FOCAD: variants seen among roughly 807,000 people sequenced by gnomAD.
FOCAD encodes the protein KIAA1797.
FOCAD carries 198 observed loss-of-function variants against 225.6 expected under a neutral mutation model. The ratio of observed to expected loss-of-function variants is 0.88; its 90% confidence interval spans 0.78 to 0.99. The LOEUF is 0.99. Ranked by LOEUF, FOCAD falls within the 50% of genes least tolerant of loss-of-function variation. FOCAD has a pLI of 0.00. For missense variants in FOCAD, 2,713 were observed against 2,123.6 expected, an observed-to-expected ratio of 1.28 and a Z score of -5.46; for synonymous variants, 897 against 755.0, an observed-to-expected ratio of 1.19 and a Z score of -3.08.
At chr9:20,820,679 A>G (rs1478885754) in intron 13 of FOCAD, among the ~76,000 whole-genome samples, 3 of 152,158 alleles carry the variant, frequency 2.0e-5, no homozygotes, top group Admixed American at 6.6e-5. Context: ...AGTAATGGAA[A>G]TATAGTTATA....
chr9:20,840,395 T>C (rs1287223367), intron 15 of FOCAD, among the ~76,000 whole-genome samples: 1 of 150,374 alleles, frequency 6.7e-6, no homozygotes, highest in Non-Finnish European at 1.5e-5. Context: ...TTGGTTAAGT[T>C]TATATTTAGG....
chr9:20,903,294 T>C (rs1374296879), intron 21 of FOCAD, among the ~76,000 whole-genome samples: 10 of 151,878 alleles, frequency 6.6e-5, no homozygotes, highest in Admixed American at 6.6e-4. Context: ...TGGGGTAGGG[T>C]AGAAAAATTA....
rs1824271816 is a variant in FOCAD, at chr9:20,821,061, T to A, written c.1783T>A (p.Cys595Ser). ...AAAAGCAGCATCAATCAGAGATATA[T>A]GTAAGCAGAGGTATGATGTCATTAA... ...IAKAASIRDI[C>S]KQRPYQHGAD... The change falls in exon 14 of 44, where the codon TGT becomes AGT. Residue 595 changes from cysteine (C) to serine (S), a missense_variant. By Grantham distance (112) the Cys-to-Ser change is moderately radical. Transcript: ENST00000338382. The A allele has an allele frequency of 3.7e-6, 6 of 1,612,258 alleles. No individual in the cohort carries two copies. Among genetic ancestry groups the A allele is most frequent in the Non-Finnish European group, 5.1e-6 (6 of 1,178,922 alleles).
intron 21 of FOCAD, among the ~76,000 whole-genome samples, chr9:20,893,547 T>C (rs981442396): frequency 2.0e-4 from 31 of 152,142 alleles, no homozygotes; most frequent in African/African-American, 7.2e-4. Context: ...TTCATTTCTA[T>C]TAATAACAGC....
At chr9:20,935,405 T>C (rs1341585554) in intron 28 of FOCAD, among the ~76,000 whole-genome samples, 1 of 152,160 alleles carries the variant, frequency 6.6e-6, no homozygotes, top group Non-Finnish European at 1.5e-5. Flanking sequence ...TTATTTTTAT[T>C]TATGTATTTA....
chr9:20,796,358 T>A (rs1821105497), intron 11 of FOCAD, among the ~76,000 whole-genome samples: 1 of 152,204 alleles, frequency 6.6e-6, no homozygotes, highest in African/African-American at 2.4e-5. Context: ...TCAAATGGTA[T>A]TTCTAGTTCT....
At chr9:20,755,134 T>A (rs902629683) in intron 5 of FOCAD, among the ~76,000 whole-genome samples, 1 of 152,168 alleles carries the variant, frequency 6.6e-6, no homozygotes, top group African/African-American at 2.4e-5. Context: ...CCCTCAAGCT[T>A]TTCAGCTTCT....
At chr9:20,852,352 G>A (rs1303988039) in intron 15 of FOCAD, among the ~76,000 whole-genome samples, 1 of 151,262 alleles carries the variant, frequency 6.6e-6, no homozygotes. Context: ...TTTGTTCCTT[G>A]TTATTAGGGA....
upstream of FOCAD, among the ~76,000 whole-genome samples, chr9:20,683,704 C>T (rs562111950): frequency 6.6e-6 from 1 of 152,072 alleles, no homozygotes; most frequent in Non-Finnish European, 1.5e-5. Flanking sequence ...ACCACAGTGG[C>T]GTGGAGAGCT....
chr9:20,834,360 A>C (rs144139259), intron 15 of FOCAD, among the ~76,000 whole-genome samples: 3 of 152,088 alleles, frequency 2.0e-5, no homozygotes, highest in African/African-American at 7.2e-5. Context: ...CTTAATACCT[A>C]GGTGATGGGT....
intron 1 of FOCAD, among the ~76,000 whole-genome samples, chr9:20,689,942 C>T (rs1292903687): frequency 2.0e-5 from 3 of 152,146 alleles, no homozygotes; most frequent in East Asian, 1.9e-4. Context: ...GACAGTGTGG[C>T]CTATTTGCTT....
intron 19 of FOCAD, among the ~76,000 whole-genome samples, chr9:20,881,535 G>A (rs1193712954): frequency 2.6e-5 from 4 of 152,196 alleles, no homozygotes; most frequent in African/African-American, 9.7e-5. Flanking sequence ...TAGTTTGTAT[G>A]AGGAGGACAA....
chr9:20,852,332 C>G (rs1827739373), intron 15 of FOCAD, among the ~76,000 whole-genome samples: 1 of 151,688 alleles, frequency 6.6e-6, no homozygotes, highest in African/African-American at 2.4e-5. Flanking sequence ...GAAAAGGGAC[C>G]ACAGGCATGT....
chr9:20,792,492 A>AT lies in FOCAD; in HGVS notation c.1455+2886dup, dbSNP rs368093852. ...GTATCCCCATTGATGAGTTTGACAAATTGAGTTTTGCAAAACTCAGTGCCT... is the reference window on the plus strand; with the variant it reads ...GTATCCCCATTGATGAGTTTGACAAATTTGAGTTTTGCAAAACTCAGTGCCT... On this transcript the variant is annotated intron_variant, in intron 11 of 43. Coordinates refer to ENST00000338382, the MANE Select transcript of FOCAD (RefSeq NM_001375567.1). Among the ~76,000 whole-genome samples, 114 of 152,308 alleles carry AT rather than the reference A, an allele frequency of 7.5e-4. 1 individual carries two copies. Among genetic ancestry groups the AT allele is most frequent in the African/African-American group, 2.6e-3 (108 of 41,576 alleles).
chr9:20,905,413 C>G (rs542717329), intron 21 of FOCAD, among the ~76,000 whole-genome samples: 1 of 151,972 alleles, frequency 6.6e-6, no homozygotes, highest in East Asian at 1.9e-4. Context: ...TTTGTGAGAC[C>G]ATTGTCTTCC....
chr9:20,994,720 A>G (rs1370143301), intron 43 of FOCAD, among the ~76,000 whole-genome samples: 3 of 152,152 alleles, frequency 2.0e-5, no homozygotes, highest in South Asian at 2.1e-4. Flanking sequence ...TGTTTGACCC[A>G]TGGAGTTTGT....
intron 21 of FOCAD, among the ~76,000 whole-genome samples, chr9:20,889,891 A>AT (rs1022294276): frequency 2.6e-5 from 4 of 151,864 alleles, no homozygotes; most frequent in Admixed American, 6.6e-5. Flanking sequence ...GTCTATGTTG[A>AT]TTTTTTTTGT....
chr9:20,778,914 G>T (rs1819072059), intron 9 of FOCAD, 146 bp downstream of exon 9: 4 of 501,702 alleles, frequency 8.0e-6, no homozygotes, highest in African/African-American at 1.9e-5. Flanking sequence ...TTTTTTTCTT[G>T]TCTAATAAGT....
intron 14 of FOCAD, among the ~76,000 whole-genome samples, chr9:20,822,474 G>A (rs1824433936): frequency 6.6e-6 from 1 of 151,934 alleles, no homozygotes. Flanking sequence ...TTAGCACAGT[G>A]CCTGGCATGA....
Sources: allele counts gnomAD v4.1 joint callset (sites outside exome capture counted in the v4.1 genomes callset), GRCh38; gene constraint gnomAD v4.1.1; transcripts MANE v1.5; gene names NCBI Gene and HGNC (gene_info 2026-07-23, HGNC 2026-07-21).